The following MED26 variants were observed in gnomAD, a reference collection of about 807,000 sequenced individuals.
MED26 encodes mediator complex subunit 26.
A neutral mutation model predicts 43.7 loss-of-function variants in MED26; 7 were observed. That is an observed-to-expected ratio of 0.16 (90% CI 0.09 to 0.30). MED26 has a LOEUF of 0.30. MED26 is among the 10% of genes least tolerant of loss of function. The pLI, the probability that MED26 is intolerant of heterozygous loss-of-function variation, is 1.00. For synonymous variants in MED26, 375 were observed against 371.1 expected (o/e 1.01, Z -0.12); for missense variants, 784 against 840.6 (o/e 0.93, Z 0.83).
At chr19:16,581,973 C>T (rs1473980083) in intron 1 of MED26, among the ~76,000 whole-genome samples, 3 of 152,230 alleles carry the variant, frequency 2.0e-5, no homozygotes, top group African/African-American at 4.8e-5. Context: ...AGTCCTACGC[C>T]GTAAACAGAT....
chr19:16,621,532 C>T (rs1232153040), intron 1 of MED26, among the ~76,000 whole-genome samples: 2 of 152,180 alleles, frequency 1.3e-5, no homozygotes, highest in African/African-American at 4.8e-5. Flanking sequence ...CAGTAACATC[C>T]AAAGGCCTTT....
chr19:16,596,715 G>A (rs1043244594), intron 1 of MED26, among the ~76,000 whole-genome samples: 2 of 152,138 alleles, frequency 1.3e-5, no homozygotes, highest in East Asian at 3.9e-4. Context: ...CCTCTTCCAC[G>A]CCACTCCCTT....
chr19:16,577,404 G>A lies in MED26; in HGVS notation c.426C>T (p.Asp142=), dbSNP rs760456340. 13 of 1,603,464 alleles carry A rather than the reference G, an allele frequency of 8.1e-6. No homozygotes were observed. The East Asian group carries it at 1.6e-4, about 19-fold the overall frequency. ...DLQRLPGQRL[D]RLGSRKRRGD... ...CCCGGCGCTTGCGGCTGCCCAGCCT[G>A]TCCAGCCGCTGCCCGGGCAGCCTCT... Residue 142 remains aspartate (D), a synonymous_variant, in exon 3 of 3, where the codon GAC becomes GAT. Transcript: ENST00000263390. The surrounding 1 kb of genome is among the most constrained non-coding windows in gnomAD (Gnocchi z 8.1).
At chr19:16,625,396 A>G (rs1190303514) in intron 1 of MED26, among the ~76,000 whole-genome samples, 2 of 152,244 alleles carry the variant, frequency 1.3e-5, no homozygotes, top group Admixed American at 6.5e-5. Flanking sequence ...ATATTAGGTC[A>G]GTTCCTGACA....
In MED26 at chr19:16,584,306, C is replaced by T. The variant is rs8105125; in HGVS notation, c.73-5897G>A. Among the ~76,000 whole-genome samples the T allele has an allele frequency of 1.1e-3, 166 of 144,664 alleles. 1 individual carries two copies. Among genetic ancestry groups the T allele is most frequent in the African/African-American group, 4.4e-3 (159 of 36,224 alleles). The allele number at this position is 144,664 out of a possible 152,430, so 94.9% of individuals were successfully genotyped here. ...AAACCCAAACACTGCCCCCCCCCGCCCCGCCAAAAAAAAACAAAAAACAAA... is the reference window on the plus strand; with the variant it reads ...AAACCCAAACACTGCCCCCCCCCGCTCCGCCAAAAAAAAACAAAAAACAAA... On this transcript the variant is annotated intron_variant, in intron 1 of 2. Transcript: ENST00000263390.
chr19:16,588,692 C>G (rs775429499), intron 1 of MED26: 1 of 152,424 alleles, frequency 6.6e-6, no homozygotes, highest in Non-Finnish European at 1.5e-5. Context: ...GCACACTGCA[C>G]TTTCTGCTGG....
intron 1 of MED26, among the ~76,000 whole-genome samples, chr19:16,607,579 G>C (rs1443442190): frequency 6.6e-6 from 1 of 152,184 alleles, no homozygotes; most frequent in Non-Finnish European, 1.5e-5. Context: ...CACTGGGCCA[G>C]ATGAGGTGGT....
chr19:16,623,838 T>C (rs1300755808), intron 1 of MED26, among the ~76,000 whole-genome samples: 1 of 152,182 alleles, frequency 6.6e-6, no homozygotes, highest in Non-Finnish European at 1.5e-5. Flanking sequence ...GGTAAGTCCC[T>C]AACTTTGGTT....
chr19:16,592,397 G>A (rs997249714), intron 1 of MED26, among the ~76,000 whole-genome samples: 1 of 152,188 alleles, frequency 6.6e-6, no homozygotes, highest in African/African-American at 2.4e-5. Context: ...GTGTGACAGG[G>A]TCCAGACAAA....
rs899564788 is a variant in MED26, at chr19:16,586,659, G to A, written c.73-8250C>T. Among the ~76,000 whole-genome samples the A allele has an allele frequency of 6.6e-6, 1 of 152,196 alleles. No individual in the cohort carries two copies. The highest frequency in any genetic ancestry group is 6.5e-5 in the Admixed American group (1 of 15,292). On this transcript the variant is annotated intron_variant, in intron 1 of 2. Coordinates refer to ENST00000263390, the MANE Select transcript of MED26 (RefSeq NM_004831.5). The surrounding 1 kb of genome is among the most constrained non-coding windows in gnomAD (Gnocchi z 5.1). ...ATGGCACTGGAGCCCACTCCCCACC[G>A]GGCTGGCCCTGGGAACAGTGCACAT... is the stretch of plus-strand genomic sequence containing the variant.
At chr19:16,584,002 A>G (rs2086058589) in intron 1 of MED26, among the ~76,000 whole-genome samples, 1 of 152,156 alleles carries the variant, frequency 6.6e-6, no homozygotes, top group African/African-American at 2.4e-5. Flanking sequence ...GAACACACGC[A>G]TGGGGGCATG....
In MED26 at chr19:16,576,507, C is replaced by G. The variant is rs766449618; in HGVS notation, c.1323G>C (p.Glu441Asp). The change falls in exon 3 of 3, where the codon GAG becomes GAC. Residue 441 changes from glutamate to aspartate, a missense_variant. Coordinates refer to ENST00000263390, the MANE Select transcript of MED26 (RefSeq NM_004831.5). The surrounding 1 kb of genome is among the most constrained non-coding windows in gnomAD (Gnocchi z 6.8). ...GCACAGGGCTGTCTGCCCGCACTGGCTCTTTCTGGGTCAGAGGTTTGATCT... is the reference window on the plus strand; with the variant it reads ...GCACAGGGCTGTCTGCCCGCACTGGGTCTTTCTGGGTCAGAGGTTTGATCT... ...TRQIKPLTQK[E>D]PVRADSPVHM... The G allele has an allele frequency of 2.5e-6, 4 of 1,614,218 alleles. No individual in the cohort carries two copies. Among genetic ancestry groups the G allele is most frequent in the Non-Finnish European group, 3.4e-6 (4 of 1,180,044 alleles).
chr19:16,602,560 T>C (rs2122423429), intron 1 of MED26, among the ~76,000 whole-genome samples: 1 of 152,292 alleles, frequency 6.6e-6, no homozygotes, highest in South Asian at 2.1e-4. Context: ...ACAGCAGCAT[T>C]ATTTGCCATG....
At position 16,602,350 on chromosome 19, in the gene MED26, C is replaced by T. The variant is rs1229841405; in HGVS notation, c.73-23941G>A. On this transcript the variant is annotated intron_variant, in intron 1 of 2. Transcript: ENST00000263390. The stretch of plus-strand genomic sequence containing the variant: ...GTCCAGGTGGAAGGTCTTCCTCACA[C>T]CCTGCACACAGCCTGGAACCATAAG... Among the ~76,000 whole-genome samples the T allele has an allele frequency of 3.3e-5, 5 of 152,288 alleles. No homozygotes were observed. The South Asian group carries it at 1.0e-3, about 32-fold the overall frequency.
At chr19:16,593,329 C>T (rs1163979470) in intron 1 of MED26, among the ~76,000 whole-genome samples, 2 of 152,182 alleles carry the variant, frequency 1.3e-5, no homozygotes, top group African/African-American at 2.4e-5. Flanking sequence ...AGCTCCTCCC[C>T]TGGTCATCTG....
intron 1 of MED26, among the ~76,000 whole-genome samples, chr19:16,615,590 T>A (rs1290211093): frequency 2.0e-5 from 3 of 152,036 alleles, no homozygotes; most frequent in African/African-American, 7.2e-5. Context: ...CTACTAAAAA[T>A]ACAAAATTAG....
Position 16,576,579 on chromosome 19 carries a change from A to G in MED26, c.1251T>C (p.Pro417=), listed in dbSNP as rs747986847. 3 of 1,614,220 alleles carry G rather than the reference A, an allele frequency of 1.9e-6. No individual in the cohort carries two copies. The highest frequency in any genetic ancestry group is 3.3e-5 in the Admixed American group (2 of 60,032). The part of the protein sequence containing the change: ...DGQVAEAGVK[P]VRLKERKLTF... ...TGAGCTTCCGCTCTTTTAACCGGAC[A>G]GGCTTGACGCCCGCCTCAGCCACCT... Residue 417 remains proline, a synonymous_variant, in exon 3 of 3, where the codon CCT becomes CCC. Coordinates refer to ENST00000263390, the MANE Select transcript of MED26 (RefSeq NM_004831.5). This position sits in a 1 kb window ranked among gnomAD's most constrained non-coding sequence, Gnocchi z 6.8.
chr19:16,626,425 T>C (rs1218427455), intron 1 of MED26, among the ~76,000 whole-genome samples: 1 of 152,078 alleles, frequency 6.6e-6, no homozygotes, highest in African/African-American at 2.4e-5. Context: ...TTGTGCCCAC[T>C]CCACCCCCAA....
chr19:16,614,485 C>A (rs779791142), intron 1 of MED26, among the ~76,000 whole-genome samples: 7 of 151,856 alleles, frequency 4.6e-5, no homozygotes, highest in Non-Finnish European at 7.4e-5. Context: ...GCCGATTGTG[C>A]CACTGCACTC....
Sources: allele counts gnomAD v4.1 joint callset (sites outside exome capture counted in the v4.1 genomes callset), GRCh38; gene constraint gnomAD v4.1.1; non-coding constraint Gnocchi (gnomAD v3.1); transcripts MANE v1.5; gene names NCBI Gene and HGNC (gene_info 2026-07-23, HGNC 2026-07-21).